SH3GL2: variants seen among roughly 807,000 people sequenced by gnomAD.
The protein encoded by SH3GL2 is endophilin-A1.
A neutral mutation model predicts 46.0 loss-of-function variants in SH3GL2; 24 were observed. The ratio of observed to expected loss-of-function variants is 0.52; its 90% CI spans 0.38 to 0.73. The LOEUF (loss-of-function observed/expected upper bound fraction) is 0.73. SH3GL2 is among the 30% of genes least tolerant of loss of function. The pLI, the probability that SH3GL2 is intolerant of heterozygous loss-of-function variation, is 0.00. For synonymous variants in SH3GL2, 196 were observed against 147.1 expected, an observed-to-expected ratio of 1.33 and a Z score of -2.40; for missense variants, 413 against 424.2, an observed-to-expected ratio of 0.97 and a Z score of 0.23.
chr9:17,653,646 T>C (rs2134670479), intron 1 of SH3GL2, among the ~76,000 whole-genome samples: 1 of 152,260 alleles, frequency 6.6e-6, no homozygotes, highest in South Asian at 2.1e-4. Context: ...TACAAAGAGG[T>C]AGGGCCTTTA....
intron 1 of SH3GL2, among the ~76,000 whole-genome samples, chr9:17,666,578 GTA>G (rs1554636866): frequency 5.1e-4 from 75 of 148,230 alleles, no homozygotes; most frequent in Middle Eastern, 3.4e-3. Flanking sequence ...GTGTGTGTGT[GTA>G]TATACATTAA....
chr9:17,761,352 C>T (rs937109941), intron 2 of SH3GL2, 85 bp from the exon 3 acceptor site: 27 of 846,012 alleles, frequency 3.2e-5, no homozygotes, highest in South Asian at 6.8e-5. Context: ...TTGCATACCC[C>T]GCCATTGTAT....
At chr9:17,791,942 C>T (rs1460794202) in intron 7 of SH3GL2, among the ~76,000 whole-genome samples, 2 of 152,208 alleles carry the variant, frequency 1.3e-5, no homozygotes, top group South Asian at 4.1e-4. Flanking sequence ...GAATGTGGCT[C>T]CGTGGAGTTG....
intron 1 of SH3GL2, among the ~76,000 whole-genome samples, chr9:17,580,421 T>G (rs1203723863): frequency 6.6e-6 from 1 of 152,188 alleles, no homozygotes; most frequent in Non-Finnish European, 1.5e-5. Context: ...GAACCTTGGT[T>G]AACTTAGGGT....
At chr9:17,668,388 C>G (rs756261068) in intron 1 of SH3GL2, among the ~76,000 whole-genome samples, 3 of 152,166 alleles carry the variant, frequency 2.0e-5, no homozygotes, top group African/African-American at 7.2e-5. Flanking sequence ...TTTCCTCATT[C>G]AATATTCTTG....
intron 1 of SH3GL2, among the ~76,000 whole-genome samples, chr9:17,716,814 T>A (rs1405758160): frequency 6.6e-6 from 1 of 152,120 alleles, no homozygotes; most frequent in African/African-American, 2.4e-5. Flanking sequence ...GGAAAATCTC[T>A]CAAAGCAGTA....
chr9:17,787,345 AT>A (rs756930926), intron 4 of SH3GL2, 34 bp from the exon 5 acceptor site: 38 of 1,592,616 alleles, frequency 2.4e-5, no homozygotes, highest in Non-Finnish European at 3.1e-5. Context: ...TTTCATCTTT[AT>A]TCTGTAACAT....
intron 1 of SH3GL2, among the ~76,000 whole-genome samples, chr9:17,644,480 C>T (rs1819758584): frequency 6.6e-6 from 1 of 152,146 alleles, no homozygotes; most frequent in Admixed American, 6.5e-5. Context: ...TATAAATTTA[C>T]CTGTAAACAC....
At chr9:17,773,074 C>T (rs776307313) in intron 3 of SH3GL2, among the ~76,000 whole-genome samples, 4 of 152,066 alleles carry the variant, frequency 2.6e-5, no homozygotes, top group Non-Finnish European at 5.9e-5. Flanking sequence ...TTTGTAATGA[C>T]CTAATGATTA....
intron 2 of SH3GL2, among the ~76,000 whole-genome samples, chr9:17,752,012 C>T (rs1339969254): frequency 2.0e-5 from 3 of 149,742 alleles, no homozygotes; most frequent in Middle Eastern, 3.5e-3. Flanking sequence ...AAGGTAATGA[C>T]CAAGAAGATT....
chr9:17,682,188 G>C (rs1331789804), intron 1 of SH3GL2, among the ~76,000 whole-genome samples: 2 of 152,034 alleles, frequency 1.3e-5, no homozygotes, highest in Non-Finnish European at 2.9e-5. Flanking sequence ...ACTACCGTTT[G>C]ACCCAGCAAT....
At chr9:17,787,004 T>C (rs1823977640) in intron 4 of SH3GL2, among the ~76,000 whole-genome samples, 1 of 152,192 alleles carries the variant, frequency 6.6e-6, no homozygotes, top group Non-Finnish European at 1.5e-5. Context: ...CAACATCTTC[T>C]ATTTTCACCC....
chr9:17,665,002 G>A (rs1382380388), intron 1 of SH3GL2, among the ~76,000 whole-genome samples: 2 of 151,912 alleles, frequency 1.3e-5, no homozygotes, highest in African/African-American at 4.8e-5. Context: ...TTACATAAAA[G>A]TTCCACAGGT....
chr9:17,732,667 T>A (rs1207964158), intron 1 of SH3GL2, among the ~76,000 whole-genome samples: 1 of 152,124 alleles, frequency 6.6e-6, no homozygotes, highest in Non-Finnish European at 1.5e-5. Flanking sequence ...GGCCTAGTGA[T>A]AATATGATTC....
intron 1 of SH3GL2, among the ~76,000 whole-genome samples, chr9:17,614,608 A>G (rs1322696346): frequency 6.6e-6 from 1 of 152,134 alleles, no homozygotes; most frequent in Non-Finnish European, 1.5e-5. Flanking sequence ...TGTTATGTAA[A>G]TGCTATGTAT....
intron 1 of SH3GL2, among the ~76,000 whole-genome samples, chr9:17,744,619 C>T (rs747782842): frequency 6.6e-6 from 1 of 152,154 alleles, no homozygotes; most frequent in Non-Finnish European, 1.5e-5. Context: ...CCTCCTGCCT[C>T]AGGCTCCCAA....
chr9:17,623,575 A>G (rs1383057738), intron 1 of SH3GL2, among the ~76,000 whole-genome samples: 3 of 152,134 alleles, frequency 2.0e-5, no homozygotes, highest in Non-Finnish European at 2.9e-5. Context: ...AAGGTTCAAT[A>G]TGTTTTTTGT....
At chr9:17,592,554 G>C (rs1356226517) in intron 1 of SH3GL2, among the ~76,000 whole-genome samples, 2 of 152,142 alleles carry the variant, frequency 1.3e-5, no homozygotes, top group Non-Finnish European at 2.9e-5. Context: ...GGTTTATTCT[G>C]CCTTTGTTAA....
chr9:17,758,082 T>G (rs1311043806), intron 2 of SH3GL2, among the ~76,000 whole-genome samples: 3 of 152,190 alleles, frequency 2.0e-5, no homozygotes, highest in Non-Finnish European at 4.4e-5. Flanking sequence ...CTTCTGGTAC[T>G]TTTTTAAAGA....
Sources: gnomAD v4.1 joint callset for allele counts (sites outside exome capture counted in the v4.1 genomes callset) on GRCh38, gnomAD v4.1.1 for gene constraint, MANE v1.5 for transcripts, NCBI Gene and HGNC (gene_info 2026-07-23, HGNC 2026-07-21) for gene names.